Variants in SDK1 observed in about 807,000 individuals in gnomAD.
SDK1 encodes sidekick cell adhesion molecule 1.
A neutral mutation model predicts 245.5 loss-of-function variants in SDK1; 157 were observed. The ratio of observed to expected loss-of-function variants is 0.64; its 90% confidence interval spans 0.56 to 0.73. The LOEUF (loss-of-function observed/expected upper bound fraction) is 0.73, where lower values mean the gene tolerates loss of function less well. Ranked by LOEUF, SDK1 falls within the 30% of genes least tolerant of loss-of-function variation. The pLI, the probability that SDK1 is intolerant of heterozygous loss-of-function variation, is 0.00. For synonymous variants in SDK1, 1,647 were observed against 1,278.5 expected (o/e 1.29, Z -6.15); for missense variants, 3,583 against 3,002.3 (o/e 1.19, Z -4.52).
chr7:3,896,729 C>G (rs1180171922), intron 5 of SDK1, among the ~76,000 whole-genome samples: 2 of 152,186 alleles, frequency 1.3e-5, no homozygotes, highest in African/African-American at 2.4e-5. Context: ...GTCTGGTTTT[C>G]AAGCTGTTTA....
intron 7 of SDK1, among the ~76,000 whole-genome samples, chr7:3,955,347 G>C (rs930660692): frequency 2.0e-5 from 3 of 152,178 alleles, no homozygotes; most frequent in Admixed American, 6.5e-5. Flanking sequence ...GAAGCTCTCT[G>C]CTGTCCCCTG....
chr7:3,910,250 C>G (rs376394280), intron 5 of SDK1, among the ~76,000 whole-genome samples: 1 of 152,164 alleles, frequency 6.6e-6, no homozygotes, highest in African/African-American at 2.4e-5. Context: ...CAAAGAGAGA[C>G]AAAACAAAAA....
chr7:3,931,222 T>G (rs2128117416), intron 5 of SDK1, among the ~76,000 whole-genome samples: 1 of 152,304 alleles, frequency 6.6e-6, no homozygotes, highest in East Asian at 1.9e-4. Flanking sequence ...CCAGAGCTTC[T>G]CAAATGAGAA....
chr7:3,668,579 G>A (rs55998900), intron 4 of SDK1, among the ~76,000 whole-genome samples: 1 of 152,086 alleles, frequency 6.6e-6, no homozygotes, highest in Non-Finnish European at 1.5e-5. Flanking sequence ...TTCGAGACCA[G>A]CCTGGGCAAG....
At chr7:3,803,807 G>C (rs914043879) in intron 4 of SDK1, among the ~76,000 whole-genome samples, 1 of 146,982 alleles carries the variant, frequency 6.8e-6, no homozygotes, top group African/African-American at 2.5e-5. Flanking sequence ...GAGTGCAGTG[G>C]TGGCTGGAAT....
rs73672181 is a variant in SDK1, at chr7:3,812,305, C to G, written c.714-9145C>G. ...CATTAATTTAACACACATTTATCGA[C>G]TACACACTGTTTGGCTCTGTGATTA... On this transcript the variant is annotated intron_variant, in intron 4 of 44. Transcript: ENST00000404826. Among the ~76,000 whole-genome samples the G allele has an allele frequency of 5.8e-3, 881 of 152,322 alleles. 8 individuals carry two copies. Among genetic ancestry groups the G allele is most frequent in the African/African-American group, 0.02 (822 of 41,564 alleles).
intron 1 of SDK1, among the ~76,000 whole-genome samples, chr7:3,359,545 T>C (rs1432519497): frequency 6.6e-6 from 1 of 151,998 alleles, no homozygotes; most frequent in Non-Finnish European, 1.5e-5. Flanking sequence ...TGATGAGTAT[T>C]TCTACACCTG....
At chr7:4,132,270 A>C in intron 27 of SDK1, 55 bp from the exon 28 acceptor site, 2 of 1,393,054 alleles carry the variant, frequency 1.4e-6, no homozygotes, top group Non-Finnish European at 2.0e-6. Flanking sequence ...GTAACCTGTC[A>C]CGCACCCAAG....
intron 1 of SDK1, among the ~76,000 whole-genome samples, chr7:3,375,993 T>C (rs951664981): frequency 6.6e-6 from 1 of 152,254 alleles, no homozygotes; most frequent in African/African-American, 2.4e-5. Flanking sequence ...CCAGCTAGAA[T>C]TGGGGAAAAA....
intron 1 of SDK1, among the ~76,000 whole-genome samples, chr7:3,337,556 G>C (rs1334572007): frequency 1.3e-5 from 2 of 152,132 alleles, no homozygotes; most frequent in Non-Finnish European, 2.9e-5. Context: ...GTGAGCCCCA[G>C]ACAGGATCAA....
intron 11 of SDK1, among the ~76,000 whole-genome samples, chr7:3,970,596 A>G (rs1197407872): frequency 2.0e-5 from 3 of 152,208 alleles, no homozygotes; most frequent in African/African-American, 7.2e-5. Flanking sequence ...TGGTATCTGA[A>G]TCTCTGTAGA....
intron 4 of SDK1, among the ~76,000 whole-genome samples, chr7:3,664,194 G>A (rs2128660395): frequency 6.6e-6 from 1 of 152,230 alleles, no homozygotes; most frequent in East Asian, 1.9e-4. Flanking sequence ...TACATACCTT[G>A]AAGGGAGTGT....
At chr7:3,538,610 A>G (rs1250211568) in intron 1 of SDK1, among the ~76,000 whole-genome samples, 2 of 152,148 alleles carry the variant, frequency 1.3e-5, no homozygotes, top group African/African-American at 4.8e-5. Flanking sequence ...ATTCCATGTT[A>G]AGGAATTTGT....
chr7:4,242,441 C>G (rs1246850363), intron 43 of SDK1, among the ~76,000 whole-genome samples: 1 of 152,126 alleles, frequency 6.6e-6, no homozygotes, highest in Admixed American at 6.5e-5. Flanking sequence ...AATCCTTTTC[C>G]TAAATCCAGC....
At chr7:3,543,722 G>C (rs573235054) in intron 1 of SDK1, among the ~76,000 whole-genome samples, 1 of 152,314 alleles carries the variant, frequency 6.6e-6, no homozygotes, top group African/African-American at 2.4e-5. Context: ...GAGTTACCTG[G>C]ACTTCATGTT....
rs550402455 is a variant in SDK1, at chr7:4,160,807, T to C, written c.4730-979T>C. 4.6e-5 allele frequency among the ~76,000 whole-genome samples: 7 copies of C among 152,128 alleles called. No homozygotes were observed. In the East Asian group the frequency reaches 5.8e-4, roughly 13 times the overall value. ...AGGGGGTTGGAGGGAGACCCATCCCTAAAACAGAACGGGGAAGGTGGAGGT... is the reference window on the plus strand; with the variant it reads ...AGGGGGTTGGAGGGAGACCCATCCCCAAAACAGAACGGGGAAGGTGGAGGT... On this transcript the variant is annotated intron_variant, in intron 31 of 44. Transcript: ENST00000404826.
At chr7:3,496,018 T>C (rs1168435392) in intron 1 of SDK1, among the ~76,000 whole-genome samples, 1 of 152,204 alleles carries the variant, frequency 6.6e-6, no homozygotes, top group Non-Finnish European at 1.5e-5. Context: ...AATAAGATCT[T>C]AATTGTAAAA....
intron 1 of SDK1, among the ~76,000 whole-genome samples, chr7:3,426,769 T>C (rs1779690155): frequency 6.6e-6 from 1 of 152,254 alleles, no homozygotes; most frequent in Non-Finnish European, 1.5e-5. Context: ...CCGTTTATTC[T>C]TTTAGTCAAA....
At chr7:3,488,871 T>A (rs1297039610) in intron 1 of SDK1, among the ~76,000 whole-genome samples, 1 of 151,810 alleles carries the variant, frequency 6.6e-6, no homozygotes, top group Non-Finnish European at 1.5e-5. Context: ...GTCCCCTTTC[T>A]AGCACTTCTC....
Sources: allele counts gnomAD v4.1 joint callset (sites outside exome capture counted in the v4.1 genomes callset), GRCh38; gene constraint gnomAD v4.1.1; transcripts MANE v1.5; gene names NCBI Gene and HGNC (gene_info 2026-07-23, HGNC 2026-07-21).